The following PPIP5K2 variants were observed in gnomAD, a reference collection of about 807,000 sequenced individuals.
PPIP5K2 encodes the protein inositol hexakisphosphate and diphosphoinositol-pentakisphosphate kinase 2.
PPIP5K2 carries 105 observed loss-of-function variants against 154.6 expected under a neutral mutation model. That is an observed-to-expected ratio of 0.68 (90% confidence interval 0.58 to 0.80). The LOEUF (loss-of-function observed/expected upper bound fraction) is 0.80, where lower values mean the gene tolerates loss of function less well. Ranked by LOEUF, PPIP5K2 falls within the 30% of genes least tolerant of loss-of-function variation. The pLI is 0.00. For synonymous variants in PPIP5K2, 480 were observed against 490.3 expected (o/e 0.98, Z 0.28); for missense variants, 992 against 1,504.6 (o/e 0.66, Z 5.64).
At chr5:103,200,401 C>T (rs2149854539) in intron 30 of PPIP5K2, among the ~76,000 whole-genome samples, 1 of 151,596 alleles carries the variant, frequency 6.6e-6, no homozygotes, top group Middle Eastern at 3.4e-3. Context: ...GAATGTTATT[C>T]CATATTATTC....
intron 10 of PPIP5K2, 45 bp from the exon 11 acceptor site, chr5:103,153,803 A>T: frequency 7.3e-7 from 1 of 1,365,558 alleles, no homozygotes; most frequent in South Asian, 1.3e-5. Flanking sequence ...ATACAACACA[A>T]ATCTTTTTTA....
chr5:103,183,850 A>T (rs1233545653), intron 25 of PPIP5K2, among the ~76,000 whole-genome samples: 1 of 152,198 alleles, frequency 6.6e-6, no homozygotes, highest in Non-Finnish European at 1.5e-5. Context: ...AACATTTTTT[A>T]AAATATCAGA....
At chr5:103,140,289 G>A (rs1554205987) in intron 5 of PPIP5K2, among the ~76,000 whole-genome samples, 1 of 151,950 alleles carries the variant, frequency 6.6e-6, no homozygotes, top group Non-Finnish European at 1.5e-5. Flanking sequence ...AGAAAGATAC[G>A]AATATGCATA....
intron 2 of PPIP5K2, among the ~76,000 whole-genome samples, chr5:103,132,915 A>C (rs1445851983): frequency 1.3e-5 from 2 of 152,228 alleles, no homozygotes; most frequent in African/African-American, 4.8e-5. Flanking sequence ...CTATGAAGAC[A>C]GGAGGGGCAA....
At chr5:103,133,919 G>C (rs1791054922) in intron 3 of PPIP5K2, among the ~76,000 whole-genome samples, 1 of 151,952 alleles carries the variant, frequency 6.6e-6, no homozygotes, top group South Asian at 2.1e-4. Context: ...GTCATTCTTA[G>C]ATAATGTGGT....
At chr5:103,155,311 C>T (rs1042894523) in intron 13 of PPIP5K2, among the ~76,000 whole-genome samples, 2 of 144,966 alleles carry the variant, frequency 1.4e-5, no homozygotes, top group Non-Finnish European at 3.0e-5. Context: ...TACAGCTTTA[C>T]ATTTTTAATC....
rs781837830 is a variant in PPIP5K2 at position 103,194,893 on chromosome 5, T to A, written c.3494-7T>A. The stretch of plus-strand genomic sequence containing the variant: ...TTAAATTAACATGTTTGTTTATTTT[T>A]TTTCAGCCTCTACAGCTTTACGTTC... On this transcript the variant is annotated splice_region_variant and splice_polypyrimidine_tract_variant and intron_variant, in intron 29 of 30. Coordinates refer to ENST00000358359, the MANE Select transcript of PPIP5K2 (RefSeq NM_001276277.3). 4.4e-6 allele frequency: 7 copies of A among 1,602,332 alleles called. No individual in the cohort carries two copies. The African/African-American group carries it at 9.4e-5, about 22-fold the overall frequency.
intron 2 of PPIP5K2, among the ~76,000 whole-genome samples, chr5:103,132,219 A>G (rs1790736996): frequency 6.6e-6 from 1 of 152,152 alleles, no homozygotes; most frequent in Non-Finnish European, 1.5e-5. Context: ...TGAGGAGACA[A>G]TACAGAAATA....
At chr5:103,138,830 A>G (rs782404629) in intron 5 of PPIP5K2, among the ~76,000 whole-genome samples, 20 of 152,246 alleles carry the variant, frequency 1.3e-4, no homozygotes, top group Admixed American at 7.8e-4. Context: ...AATGCCAAAA[A>G]CTAAATACTG....
chr5:103,181,394 C>G (rs1271318527), intron 24 of PPIP5K2, among the ~76,000 whole-genome samples: 1 of 151,746 alleles, frequency 6.6e-6, no homozygotes, highest in African/African-American at 2.4e-5. Context: ...ATGGTGAAAC[C>G]CCGTCTCTAC....
chr5:103,177,374 G>T (rs1349776268), intron 21 of PPIP5K2, among the ~76,000 whole-genome samples: 2 of 151,874 alleles, frequency 1.3e-5, no homozygotes, highest in South Asian at 4.1e-4. Context: ...TATTTCCTTC[G>T]AGTGTCATGT....
chr5:103,195,477 T>A (rs890538419), intron 30 of PPIP5K2, among the ~76,000 whole-genome samples: 4 of 152,162 alleles, frequency 2.6e-5, no homozygotes, highest in Admixed American at 6.5e-5. Flanking sequence ...AGAAAAAAAA[T>A]TTCTCTTTCC....
intron 1 of PPIP5K2, among the ~76,000 whole-genome samples, chr5:103,125,107 TA>T (rs1789434214): frequency 6.6e-6 from 1 of 152,216 alleles, no homozygotes; most frequent in Non-Finnish European, 1.5e-5. Context: ...ATCTCCTTTT[TA>T]TTATAGGAAA....
chr5:103,136,781 T>C lies in PPIP5K2; in HGVS notation c.360T>C (p.Phe120=). The C allele has an allele frequency of 6.2e-7, 1 of 1,613,926 alleles. No individual in the cohort carries two copies. The highest frequency in any genetic ancestry group is 8.5e-7 in the Non-Finnish European group (1 of 1,179,872). ...CCTATGCAAAACTCAGGAATCCATT[T>C]GTAATCAATGACTTGAATATGCAGT... ...AVAYAKLRNP[F]VINDLNMQYL... The change falls in exon 4 of 31, where the codon TTT becomes TTC. Residue 120 remains phenylalanine (F), a synonymous_variant. Coordinates refer to ENST00000358359, the MANE Select transcript of PPIP5K2 (RefSeq NM_001276277.3).
intron 14 of PPIP5K2, among the ~76,000 whole-genome samples, chr5:103,157,584 CCTGGCCAA>C: frequency 6.6e-6 from 1 of 152,102 alleles, no homozygotes; most frequent in East Asian, 1.9e-4. Context: ...TCGAGACCAG[CCTGGCCAA>C]CATGGTGAAA....
intron 3 of PPIP5K2, chr5:103,136,095 C>T (rs1265783358): frequency 6.6e-6 from 1 of 151,708 alleles, no homozygotes; most frequent in Non-Finnish European, 1.5e-5. Flanking sequence ...CTTCAGCCTC[C>T]TAAGTATCTG....
rs554045584 is a variant in PPIP5K2, at chr5:103,129,489, C to T, written c.-101C>T. The T allele has an allele frequency of 4.5e-5, 40 of 898,386 alleles. No individual in the cohort carries two copies. The highest frequency in any genetic ancestry group is 2.0e-4 in the East Asian group (7 of 35,248). The allele number at this position is 898,386 out of a possible 1,614,324, so 55.7% of individuals were successfully genotyped here. A position where few individuals can be genotyped will look rare whatever the true frequency, so the allele number is the denominator to read the frequency against. On this transcript the variant is annotated 5_prime_UTR_variant, in exon 2 of 31. Transcript: ENST00000358359. ...AGAAACAAGCTGTCACAGACCTGTG[C>T]GTCAGCTAATATATGGAGAATGCTT...
rs2149899198 is a variant in PPIP5K2, at chr5:103,212,091, G to A, written c.*10457G>A. On this transcript the variant is annotated 3_prime_UTR_variant, in exon 31 of 31. Coordinates refer to ENST00000358359, the MANE Select transcript of PPIP5K2 (RefSeq NM_001276277.3). ...TTATAGCTAGGGGAAGAGATAAACA[G>A]GGGGTTAGGTTGTAGATTATATGCA... is the stretch of plus-strand genomic sequence containing the variant. The A allele has an allele frequency of 6.6e-6, 1 of 152,132 alleles. No individual in the cohort carries two copies. The highest frequency in any genetic ancestry group is 1.9e-4 in the East Asian group (1 of 5,168). The allele number at this position is 152,132 out of a possible 1,614,324, so 9.4% of individuals were successfully genotyped here. A position where few individuals can be genotyped will look rare whatever the true frequency, so the allele number is the denominator to read the frequency against.
intron 17 of PPIP5K2, among the ~76,000 whole-genome samples, chr5:103,162,652 C>T (rs1796482588): frequency 6.6e-6 from 1 of 152,128 alleles, no homozygotes; most frequent in Admixed American, 6.6e-5. Context: ...CATGAGCCAC[C>T]ATGCCCAGCC....
Sources: allele counts gnomAD v4.1 joint callset (sites outside exome capture counted in the v4.1 genomes callset), GRCh38; gene constraint gnomAD v4.1.1; transcripts MANE v1.5; gene names NCBI Gene and HGNC (gene_info 2026-07-23, HGNC 2026-07-21).